Variants in LTBP1 observed in about 807,000 individuals in gnomAD.
LTBP1 encodes latent-transforming growth factor beta-binding protein 1.
A neutral mutation model predicts 207.6 loss-of-function variants in LTBP1; 129 were observed. The observed-to-expected ratio is 0.62, with a 90% CI of 0.54 to 0.72. The LOEUF is 0.72. LTBP1 is among the 30% of genes least tolerant of loss of function. The pLI is 0.00. For synonymous variants in LTBP1, 963 were observed against 833.7 expected (o/e 1.16, Z -2.67); for missense variants, 2,281 against 2,217.2 (o/e 1.03, Z -0.58).
chr2:33,390,271 T>G (rs1251391336), intron 32 of LTBP1, among the ~76,000 whole-genome samples: 2 of 152,100 alleles, frequency 1.3e-5, no homozygotes, highest in Non-Finnish European at 2.9e-5. Flanking sequence ...GTGATCCCCT[T>G]TAGAACGTAA....
At chr2:33,087,667 C>T (rs2078841816) in intron 3 of LTBP1, among the ~76,000 whole-genome samples, 1 of 152,338 alleles carries the variant, frequency 6.6e-6, no homozygotes, top group African/African-American at 2.4e-5. Context: ...TAAATGATAG[C>T]TGTGTCTCAA....
chr2:33,242,067 C>T (rs926227345), intron 9 of LTBP1, among the ~76,000 whole-genome samples: 16 of 152,088 alleles, frequency 1.1e-4, no homozygotes, highest in Admixed American at 2.6e-4. Flanking sequence ...TTGAATGTCA[C>T]GGAAGGTATC....
At chr2:33,341,298 G>T (rs1235567074) in intron 24 of LTBP1, among the ~76,000 whole-genome samples, 1 of 152,148 alleles carries the variant, frequency 6.6e-6, no homozygotes, top group East Asian at 1.9e-4. Context: ...GTTGGAGAAG[G>T]ATGAGCAGGT....
chr2:33,215,264 T>C (rs968270647), intron 7 of LTBP1, among the ~76,000 whole-genome samples: 2 of 152,172 alleles, frequency 1.3e-5, no homozygotes, highest in Admixed American at 1.3e-4. Context: ...AAGATACTAT[T>C]ATGCACTCTA....
chr2:33,003,184 A>G (rs949528048), intron 2 of LTBP1, among the ~76,000 whole-genome samples: 11 of 152,208 alleles, frequency 7.2e-5, no homozygotes, highest in African/African-American at 2.7e-4. Flanking sequence ...GCAGAGGCAA[A>G]GAGATTGTGT....
chr2:33,346,560 T>G (rs1409878781), intron 25 of LTBP1, among the ~76,000 whole-genome samples: 1 of 151,952 alleles, frequency 6.6e-6, no homozygotes, highest in Non-Finnish European at 1.5e-5. Context: ...GGTACGTGCC[T>G]ATAATCCCAG....
At chr2:33,394,080 T>G (rs2095339419) in intron 32 of LTBP1, among the ~76,000 whole-genome samples, 1 of 152,226 alleles carries the variant, frequency 6.6e-6, no homozygotes, top group Non-Finnish European at 1.5e-5. Context: ...TTTGGCTGCA[T>G]AAATGTCTTC....
intron 9 of LTBP1, among the ~76,000 whole-genome samples, chr2:33,241,146 T>C (rs968744063): frequency 2.6e-5 from 4 of 151,756 alleles, no homozygotes; most frequent in African/African-American, 9.7e-5. Context: ...AAGGAAACAG[T>C]TTTTCTGGAA....
At chr2:33,157,593 C>T (rs910610092) in intron 5 of LTBP1, among the ~76,000 whole-genome samples, 1 of 152,198 alleles carries the variant, frequency 6.6e-6, no homozygotes, top group African/African-American at 2.4e-5. Context: ...AGGCTTCTGA[C>T]TCCCATTGCA....
At chr2:33,038,573 G>C (rs1186050486) in intron 3 of LTBP1, among the ~76,000 whole-genome samples, 1 of 152,080 alleles carries the variant, frequency 6.6e-6, no homozygotes, top group Non-Finnish European at 1.5e-5. Context: ...TTTATATTTT[G>C]TCCAGCAATC....
chr2:33,072,586 C>A (rs2077845305), intron 3 of LTBP1, among the ~76,000 whole-genome samples: 1 of 152,138 alleles, frequency 6.6e-6, no homozygotes. Flanking sequence ...TTTCTAAGGC[C>A]TTCCTTGGGG....
intron 2 of LTBP1, among the ~76,000 whole-genome samples, chr2:33,010,420 C>G (rs1055965974): frequency 6.6e-6 from 1 of 152,088 alleles, no homozygotes; most frequent in Non-Finnish European, 1.5e-5. Flanking sequence ...CACAAACATA[C>G]AGTTAGATAG....
chr2:33,294,906 T>C (rs2093846136), intron 20 of LTBP1, among the ~76,000 whole-genome samples: 1 of 148,610 alleles, frequency 6.7e-6, no homozygotes, highest in Non-Finnish European at 1.5e-5. Context: ...TACTATTTGG[T>C]TTTTTTTTTA....
intron 9 of LTBP1, among the ~76,000 whole-genome samples, chr2:33,235,604 A>G (rs1328017829): frequency 1.3e-5 from 2 of 152,182 alleles, no homozygotes; most frequent in African/African-American, 4.8e-5. Context: ...ACATGCACAC[A>G]TATGTTTATT....
intron 22 of LTBP1, among the ~76,000 whole-genome samples, chr2:33,309,040 T>C (rs565486836): frequency 1.3e-5 from 2 of 152,128 alleles, no homozygotes; most frequent in Non-Finnish European, 2.9e-5. Flanking sequence ...CTCAACACTT[T>C]GGGAGGCTGA....
At chr2:33,199,547 C>G (rs1207382459) in intron 7 of LTBP1, among the ~76,000 whole-genome samples, 1 of 152,106 alleles carries the variant, frequency 6.6e-6, no homozygotes, top group Non-Finnish European at 1.5e-5. Flanking sequence ...TGGAAGCATT[C>G]CCTTTGAAAA....
At chr2:32,998,978 C>T (rs1451655884) in intron 2 of LTBP1, among the ~76,000 whole-genome samples, 1 of 152,232 alleles carries the variant, frequency 6.6e-6, no homozygotes, top group Non-Finnish European at 1.5e-5. Context: ...GTTCCTGGAC[C>T]ATCAGCATCA....
At chr2:32,999,058 C>T (rs1456773512) in intron 2 of LTBP1, among the ~76,000 whole-genome samples, 1 of 152,140 alleles carries the variant, frequency 6.6e-6, no homozygotes, top group Non-Finnish European at 1.5e-5. Flanking sequence ...GGGATGGGTC[C>T]TGCAAAGTTT....
chr2:33,100,429 G>A (rs1397216298), intron 3 of LTBP1, among the ~76,000 whole-genome samples: 1 of 151,890 alleles, frequency 6.6e-6, no homozygotes, highest in Non-Finnish European at 1.5e-5. Context: ...GGGGCAGGGG[G>A]GGCAAGAAAC....
Sources: gnomAD v4.1 joint callset for allele counts (sites outside exome capture counted in the v4.1 genomes callset) on GRCh38, gnomAD v4.1.1 for gene constraint, MANE v1.5 for transcripts, NCBI Gene and HGNC (gene_info 2026-07-23, HGNC 2026-07-21) for gene names.